MARCHF10: variants seen among roughly 807,000 people sequenced by gnomAD.
MARCHF10 encodes probable E3 ubiquitin-protein ligase MARCHF10.
In MARCHF10, 64 loss-of-function variants were observed where a neutral mutation model predicts 76.2. The ratio of observed to expected loss-of-function variants is 0.84; its 90% CI spans 0.69 to 1.03. The LOEUF is 1.03. Among genes scored for constraint, MARCHF10 ranks in the 50% least tolerant of loss-of-function variants. MARCHF10 has a pLI of 0.00. For synonymous variants in MARCHF10, 340 were observed against 357.5 expected (o/e 0.95, Z 0.55); for missense variants, 875 against 958.0 (o/e 0.91, Z 1.14).
intron 3 of MARCHF10, among the ~76,000 whole-genome samples, chr17:62,767,260 C>T (rs946278793): frequency 1.7e-5 from 2 of 116,254 alleles, no homozygotes; most frequent in Non-Finnish European, 4.1e-5. Context: ...ACAAAACATC[C>T]TGCAAATTTG....
At chr17:62,753,575 C>T (rs2091958619) in intron 4 of MARCHF10, among the ~76,000 whole-genome samples, 1 of 152,194 alleles carries the variant, frequency 6.6e-6, no homozygotes, top group Admixed American at 6.5e-5. Flanking sequence ...GAGCACAAGG[C>T]CCTAGATTAT....
intron 3 of MARCHF10, among the ~76,000 whole-genome samples, chr17:62,786,324 T>C (rs184734849): frequency 2.2e-4 from 32 of 148,166 alleles, no homozygotes; most frequent in African/African-American, 6.3e-4. Flanking sequence ...TAGGTGGGAA[T>C]TGAACAATGA....
At chr17:62,763,483 A>C (rs2092259582) in intron 3 of MARCHF10, among the ~76,000 whole-genome samples, 1 of 152,250 alleles carries the variant, frequency 6.6e-6, no homozygotes, top group African/African-American at 2.4e-5. Context: ...AATATTTGAC[A>C]ACATTAGAGA....
rs190626386 is a variant in MARCHF10 at position 62,705,000 on chromosome 17, T to C, written c.2371+539A>G. ...ACAGGGAGAAGGCTTTTCTCGAACC[T>C]GTTTGCAGAGAGCCGTCTTGCCCGC... On this transcript the variant is annotated intron_variant, in intron 10 of 10. Coordinates refer to ENST00000311269, the MANE Select transcript of MARCHF10 (RefSeq NM_152598.4). The C allele has an allele frequency of 1.9e-4, 177 of 933,794 alleles. No homozygotes were observed. In the African/African-American group the frequency reaches 2.9e-3, roughly 16 times the overall value. 57.8% of individuals were successfully genotyped at this position (933,794 alleles called of 1,614,324 possible).
At chr17:62,740,367 T>C (rs1342411542) in intron 5 of MARCHF10, among the ~76,000 whole-genome samples, 1 of 152,208 alleles carries the variant, frequency 6.6e-6, no homozygotes, top group African/African-American at 2.4e-5. Flanking sequence ...AGCATCTGTC[T>C]GCCTTAAGAC....
rs539589361 is a variant in MARCHF10, at chr17:62,738,183, C to T, written c.536-851G>A. On this transcript the variant is annotated intron_variant, in intron 5 of 10. Transcript: ENST00000311269. The surrounding 1 kb of genome is among the most constrained non-coding windows in gnomAD (Gnocchi z 4.0). The stretch of plus-strand genomic sequence containing the variant: ...AGAGTACCAAGGCTTAGGGCAGTCA[C>T]ATAACTAGCCCAAGATCCTATTTCC... Among the ~76,000 whole-genome samples the T allele has an allele frequency of 3.9e-4, 60 of 152,106 alleles. No individual in the cohort carries two copies. Among genetic ancestry groups the T allele is most frequent in the Admixed American group, 2.2e-3 (33 of 15,258 alleles).
At chr17:62,806,823 C>T (rs993643922) in intron 1 of MARCHF10, among the ~76,000 whole-genome samples, 5 of 152,214 alleles carry the variant, frequency 3.3e-5, no homozygotes, top group African/African-American at 1.2e-4. Flanking sequence ...GTCATGCATA[C>T]GTACCATCCC....
intron 4 of MARCHF10, among the ~76,000 whole-genome samples, chr17:62,756,099 T>G (rs1186809324): frequency 6.6e-6 from 1 of 152,062 alleles, no homozygotes; most frequent in African/African-American, 2.4e-5. Flanking sequence ...AAATACAAAA[T>G]TAGCTGGGCA....
intron 5 of MARCHF10, among the ~76,000 whole-genome samples, chr17:62,740,177 G>A (rs898809928): frequency 6.6e-6 from 1 of 151,950 alleles, no homozygotes; most frequent in Non-Finnish European, 1.5e-5. Flanking sequence ...CAAATAGAGA[G>A]CAGATTTCAG....
intron 10 of MARCHF10, 123 bp from the exon 11 acceptor site, chr17:62,701,881 GC>G: frequency 7.9e-7 from 1 of 1,268,814 alleles, no homozygotes; most frequent in Non-Finnish European, 1.1e-6. Context: ...CACCCACATG[GC>G]CACAGTGCCT....
chr17:62,773,474 G>A (rs1234903079), intron 3 of MARCHF10, among the ~76,000 whole-genome samples: 1 of 152,184 alleles, frequency 6.6e-6, no homozygotes, highest in Non-Finnish European at 1.5e-5. Flanking sequence ...ATTCTTTTGA[G>A]AACTTTGGCT....
intron 1 of MARCHF10, 45 bp from the exon 2 acceptor site, chr17:62,801,797 T>C (rs2093079320): frequency 7.6e-7 from 1 of 1,319,344 alleles, no homozygotes; most frequent in East Asian, 2.3e-5. Context: ...GAGTCCTTTG[T>C]CGTGATGCCG....
chr17:62,791,645 C>G (rs1052892327), intron 2 of MARCHF10, among the ~76,000 whole-genome samples: 1 of 152,252 alleles, frequency 6.6e-6, no homozygotes, highest in Non-Finnish European at 1.5e-5. Context: ...AATCTTTCTA[C>G]GTAAATCAAA....
At chr17:62,793,974 C>T (rs1244356388) in intron 2 of MARCHF10, among the ~76,000 whole-genome samples, 1 of 150,512 alleles carries the variant, frequency 6.6e-6, no homozygotes, top group African/African-American at 2.4e-5. Flanking sequence ...ACCACCACCA[C>T]TTCCATCACC....
chr17:62,716,330 A>G (rs1361174040), intron 8 of MARCHF10, among the ~76,000 whole-genome samples: 1 of 151,634 alleles, frequency 6.6e-6, no homozygotes, highest in Non-Finnish European at 1.5e-5. Flanking sequence ...GGTAGCTCAC[A>G]CCTGTAACCC....
At chr17:62,743,989 T>C (rs2091608983) in intron 5 of MARCHF10, among the ~76,000 whole-genome samples, 1 of 152,138 alleles carries the variant, frequency 6.6e-6, no homozygotes, top group Non-Finnish European at 1.5e-5. Context: ...AGGTGGGACA[T>C]GCCCCAGAGT....
intron 6 of MARCHF10, among the ~76,000 whole-genome samples, chr17:62,730,848 C>T (rs1299186696): frequency 6.6e-6 from 1 of 151,986 alleles, no homozygotes. Flanking sequence ...GAGCCAGGAT[C>T]GTGCCACTGA....
intron 4 of MARCHF10, among the ~76,000 whole-genome samples, chr17:62,754,572 G>C (rs1196461191): frequency 6.6e-6 from 1 of 152,040 alleles, no homozygotes; most frequent in Non-Finnish European, 1.5e-5. Context: ...GACTGGCAAG[G>C]ATTCCATTTT....
At chr17:62,748,514 A>T (rs2091786785) in intron 4 of MARCHF10, among the ~76,000 whole-genome samples, 1 of 152,210 alleles carries the variant, frequency 6.6e-6, no homozygotes, top group African/African-American at 2.4e-5. Context: ...AGGCAGGAAG[A>T]TCACTTGAGC....
Sources: gnomAD v4.1 joint callset for allele counts (sites outside exome capture counted in the v4.1 genomes callset) on GRCh38, gnomAD v4.1.1 for gene constraint, Gnocchi (gnomAD v3.1) non-coding constraint, MANE v1.5 for transcripts, NCBI Gene and HGNC (gene_info 2026-07-23, HGNC 2026-07-21) for gene names.